The following PTPRN2 variants were observed in gnomAD, a reference collection of about 807,000 sequenced individuals.
PTPRN2 encodes the protein receptor-type tyrosine-protein phosphatase N2.
Under a neutral mutation model 118.8 loss-of-function variants are expected in PTPRN2, and 74 were observed. The ratio of observed to expected loss-of-function variants is 0.62; its 90% CI spans 0.52 to 0.76. The LOEUF is 0.76. Ranked by LOEUF, PTPRN2 falls within the 30% of genes least tolerant of loss-of-function variation. The pLI is 0.00. For missense variants in PTPRN2, 1,481 were observed against 1,394.4 expected, an observed-to-expected ratio of 1.06 and a Z score of -0.99; for synonymous variants, 641 against 608.0, an observed-to-expected ratio of 1.05 and a Z score of -0.80.
chr7:158,571,235 A>G (rs1418110158), intron 1 of PTPRN2, among the ~76,000 whole-genome samples: 1 of 152,070 alleles, frequency 6.6e-6, no homozygotes, highest in African/African-American at 2.4e-5. Context: ...CTGTAATCCC[A>G]GCACTTTGGG....
chr7:158,541,563 C>T (rs1384460209), intron 1 of PTPRN2: 1 of 1,352,146 alleles, frequency 7.4e-7, no homozygotes, highest in East Asian at 4.5e-5. Context: ...AGTAGGAAAG[C>T]TGGCTTCGGT....
intron 3 of PTPRN2, among the ~76,000 whole-genome samples, chr7:158,211,252 A>G (rs1046106839): frequency 1.6e-4 from 25 of 152,228 alleles, no homozygotes; most frequent in African/African-American, 5.5e-4. Context: ...TCCCTAGTAC[A>G]CTGGATAGTG....
At chr7:158,210,075 T>G (rs1213625905) in intron 3 of PTPRN2, among the ~76,000 whole-genome samples, 2 of 150,866 alleles carry the variant, frequency 1.3e-5, no homozygotes, top group Admixed American at 1.3e-4. Flanking sequence ...AGTTTATAGC[T>G]ATAAGCAACT....
rs925863060 is a variant in PTPRN2 at position 157,615,540 on chromosome 7, C to A, written c.2344+5822G>T. On this transcript the variant is annotated intron_variant, in intron 15 of 22. Transcript: ENST00000389418. This position sits in a 1 kb window ranked among gnomAD's most constrained non-coding sequence, Gnocchi z 4.3. ...GGGGTGACCCCATCGCAAGGCCGGG[C>A]CGTGGAAACAATCTCAGCCCTGGAA... is the stretch of plus-strand genomic sequence containing the variant. The A allele has an allele frequency of 8.5e-6, 4 of 471,102 alleles. No individual in the cohort carries two copies. Among genetic ancestry groups the A allele is most frequent in the Admixed American group, 7.0e-5 (3 of 42,572 alleles). The allele number at this position is 471,102 out of a possible 1,614,324, so 29.2% of individuals were successfully genotyped here.
At chr7:157,811,219 G>T (rs898832858) in intron 12 of PTPRN2, among the ~76,000 whole-genome samples, 2 of 150,350 alleles carry the variant, frequency 1.3e-5, no homozygotes, top group Non-Finnish European at 3.0e-5. Flanking sequence ...TGCAGTGAGC[G>T]GAGATCGCAC....
intron 1 of PTPRN2, among the ~76,000 whole-genome samples, chr7:158,535,519 A>G (rs1825595961): frequency 6.6e-6 from 1 of 151,866 alleles, no homozygotes; most frequent in South Asian, 2.1e-4. Context: ...CGGCTGGACT[A>G]TTTGTCAACT....
At chr7:158,315,865 C>G (rs1802278657) in intron 3 of PTPRN2, among the ~76,000 whole-genome samples, 2 of 152,172 alleles carry the variant, frequency 1.3e-5, no homozygotes, top group Non-Finnish European at 1.5e-5. Flanking sequence ...TTTTAATAAC[C>G]AAGTGGATAG....
intron 5 of PTPRN2, among the ~76,000 whole-genome samples, chr7:158,186,183 G>A (rs1447584353): frequency 6.6e-6 from 1 of 152,198 alleles, no homozygotes; most frequent in Admixed American, 6.5e-5. Flanking sequence ...TCCTGTGACT[G>A]GCTTCTGCTT....
In PTPRN2 at chr7:157,905,176, A is replaced by G. The variant is rs187538719; in HGVS notation, c.1724-6439T>C. On this transcript the variant is annotated intron_variant, in intron 11 of 22. Transcript: ENST00000389418. Reference sequence around the variant, plus strand: ...ACTCACACCTACTCCTTTTAAGTCTAAAGTAAATACCTGCTGATTCTCAGT... The same window carrying G: ...ACTCACACCTACTCCTTTTAAGTCTGAAGTAAATACCTGCTGATTCTCAGT... Among the ~76,000 whole-genome samples the G allele has an allele frequency of 1.1e-4, 16 of 152,316 alleles. No homozygotes were observed. In the East Asian group the frequency reaches 3.1e-3, roughly 29 times the overall value.
At chr7:158,543,314 G>C (rs1563416838) in intron 1 of PTPRN2, among the ~76,000 whole-genome samples, 1 of 152,172 alleles carries the variant, frequency 6.6e-6, no homozygotes, top group African/African-American at 2.4e-5. Context: ...AGGAAGGCCC[G>C]GAGGGAAGCC....
At chr7:158,018,986 A>AG (rs1806660316) in intron 11 of PTPRN2, among the ~76,000 whole-genome samples, 1 of 146,610 alleles carries the variant, frequency 6.8e-6, no homozygotes, top group African/African-American at 2.5e-5. Flanking sequence ...AAAAAAAAAA[A>AG]AAAAAGAGAA....
At chr7:158,462,444 G>C (rs966258140) in intron 2 of PTPRN2, among the ~76,000 whole-genome samples, 1 of 152,118 alleles carries the variant, frequency 6.6e-6, no homozygotes, top group Non-Finnish European at 1.5e-5. Context: ...ATGCGATACC[G>C]TACTTGCATT....
At chr7:158,180,469 G>A (rs1211988642) in intron 5 of PTPRN2, among the ~76,000 whole-genome samples, 2 of 151,966 alleles carry the variant, frequency 1.3e-5, no homozygotes, top group Admixed American at 6.6e-5. Flanking sequence ...CTATTTTTTG[G>A]TGCTATATGA....
chr7:158,307,433 C>G (rs1256683462), intron 3 of PTPRN2, among the ~76,000 whole-genome samples: 1 of 151,920 alleles, frequency 6.6e-6, no homozygotes, highest in African/African-American at 2.4e-5. Flanking sequence ...AATTAGAAAC[C>G]TGTGAGAGAC....
intron 3 of PTPRN2, among the ~76,000 whole-genome samples, chr7:158,316,297 G>C (rs1460301573): frequency 2.0e-5 from 3 of 152,162 alleles, no homozygotes; most frequent in African/African-American, 4.8e-5. Context: ...TTCTGACCAA[G>C]AGCCCTCACT....
intron 3 of PTPRN2, among the ~76,000 whole-genome samples, chr7:158,249,081 ACAC>A (rs1380112914): frequency 6.6e-6 from 1 of 151,612 alleles, no homozygotes; most frequent in Non-Finnish European, 1.5e-5. Flanking sequence ...TACACCACAC[ACAC>A]CACACATATG....
At chr7:158,051,936 G>A (rs1265124762) in intron 11 of PTPRN2, among the ~76,000 whole-genome samples, 1 of 152,180 alleles carries the variant, frequency 6.6e-6, no homozygotes, top group Non-Finnish European at 1.5e-5. Flanking sequence ...CGAGGAAGAG[G>A]GAAAAGGTAG....
chr7:157,656,126 C>T lies in PTPRN2; in HGVS notation c.2196+231G>A, dbSNP rs935387224. On this transcript the variant is annotated intron_variant, in intron 14 of 22. Transcript: ENST00000389418. ...CCAGGGACTGTGTGTGGGGGCTGCA[C>T]GTTCCAGGCAGAAGCACGGCAAAGA... Among the ~76,000 whole-genome samples, 22 of 89,754 alleles carry T rather than the reference C, an allele frequency of 2.5e-4. 1 individual carries two copies. Among genetic ancestry groups the T allele is most frequent in the Non-Finnish European group, 6.1e-4 (22 of 36,068 alleles). 58.9% of individuals were successfully genotyped at this position (89,754 alleles called of 152,430 possible). A position where few individuals can be genotyped will look rare whatever the true frequency, so the allele number is the denominator to read the frequency against.
chr7:158,144,718 C>T (rs115421075), intron 6 of PTPRN2, among the ~76,000 whole-genome samples: 1,576 of 152,266 alleles, frequency 0.01, 57 homozygotes, highest in East Asian at 0.092. Flanking sequence ...GGCAGGCTGG[C>T]GCTTCTCCCA....
Sources: gnomAD v4.1 joint callset for allele counts (sites outside exome capture counted in the v4.1 genomes callset) on GRCh38, gnomAD v4.1.1 for gene constraint, Gnocchi (gnomAD v3.1) non-coding constraint, MANE v1.5 for transcripts, NCBI Gene and HGNC (gene_info 2026-07-23, HGNC 2026-07-21) for gene names.